Variants in PLA2G4F observed in about 807,000 individuals in gnomAD.
The protein encoded by PLA2G4F is cytosolic phospholipase A2 zeta.
In PLA2G4F, 105 loss-of-function variants were observed where a neutral mutation model predicts 103.1. That is an observed-to-expected ratio of 1.02 (90% CI 0.87 to 1.20). The LOEUF is 1.20. PLA2G4F is among the 50% of genes most tolerant of loss of function. The pLI, the probability that PLA2G4F is intolerant of heterozygous loss-of-function variation, is 0.00. For synonymous variants in PLA2G4F, 468 were observed against 441.1 expected, an observed-to-expected ratio of 1.06 and a Z score of -0.76; for missense variants, 1,155 against 1,075.9, an observed-to-expected ratio of 1.07 and a Z score of -1.03.
chr15:42,153,758 G>A (rs1187645098), intron 4 of PLA2G4F, 98 bp from the exon 5 acceptor site: 2 of 1,336,738 alleles, frequency 1.5e-6, no homozygotes, highest in Non-Finnish European at 2.1e-6. Context: ...GGGGCTAGAA[G>A]GGGAGACTGG....
intron 6 of PLA2G4F, 56 bp downstream of exon 6, chr15:42,153,244 G>C: frequency 6.4e-7 from 1 of 1,553,944 alleles, no homozygotes; most frequent in Non-Finnish European, 8.8e-7. Context: ...GCCCTGTCAC[G>C]GGTTCCTCAC....
rs533682355 is a variant in PLA2G4F at position 42,148,036 on chromosome 15, G to A, written c.1060-274C>T. Among the ~76,000 whole-genome samples the A allele has an allele frequency of 4.6e-5, 7 of 152,228 alleles. No homozygotes were observed. The South Asian group carries it at 6.2e-4, about 14-fold the overall frequency. ...TACTAAAACTACAAAAAAATTAGCC[G>A]GGCATGGTGGTGGGCGCCTGCCTGT... On this transcript the variant is annotated intron_variant, in intron 11 of 19. Coordinates refer to ENST00000397272, the MANE Select transcript of PLA2G4F (RefSeq NM_213600.4).
intron 8 of PLA2G4F, 21 bp downstream of exon 8, chr15:42,150,587 C>T (rs1315354567): frequency 1.3e-6 from 2 of 1,597,420 alleles, no homozygotes; most frequent in Admixed American, 1.7e-5. Context: ...GATCTACCGA[C>T]CATCCTGGCG....
Position 42,154,116 on chromosome 15 carries a change from T to TTTGTGAGGTTGGCCAC in PLA2G4F, c.410_425dup (p.His143TrpfsTer33). On this transcript the variant is annotated frameshift_variant, in exon 4 of 20. Transcript: ENST00000397272. LOFTEE classifies it high-confidence loss of function. ...CCTGGTGGTTGAGTGGGAAGGTGTG[T>TTTGTGAGGTTGGCCAC]TTGTGAGGTTGGCCACACTTGAGGC... 6.2e-7 allele frequency: 1 copy of TTTGTGAGGTTGGCCAC among 1,614,154 alleles called. No homozygotes were observed. The highest frequency in any genetic ancestry group is 8.5e-7 in the Non-Finnish European group (1 of 1,180,034).
At chr15:42,148,663 G>A in intron 11 of PLA2G4F, 1 of 985,394 alleles carries the variant, frequency 1.0e-6, no homozygotes, top group African/African-American at 1.7e-5. Context: ...AAGCAGCCTA[G>A]ACCTGCCCCC....
chr15:42,151,106 T>C (rs2048957420), intron 7 of PLA2G4F: 1 of 985,048 alleles, frequency 1.0e-6, no homozygotes, highest in Admixed American at 6.1e-5. Flanking sequence ...ATGTTTATCA[T>C]AAGAATGAGC....
At chr15:42,147,816 A>G (rs753491256) in intron 11 of PLA2G4F, 54 bp from the exon 12 acceptor site, 11 of 1,603,200 alleles carry the variant, frequency 6.9e-6, no homozygotes, top group Non-Finnish European at 9.4e-6. Context: ...TCATTGACGT[A>G]TTACTGCCTA....
Position 42,142,587 on chromosome 15 carries a change from G to C in PLA2G4F, c.2270C>G (p.Ser757Cys). ...CAGGGGGAAGTGCAGCACAATGGGG[G>C]AGCGGGGGTCCTCAGCCTTGGCAAA... ...YLFAKAEDPR[S>C]PIVLHFPLVN... Residue 757 changes from serine to cysteine, a missense_variant, in exon 19 of 20, where the codon TCC (serine) becomes TGC (cysteine). Physicochemically the swap from Ser to Cys is moderately radical, Grantham distance 112 (BLOSUM62 -1). Around this residue, in one of 3 missense-constraint regions of PLA2G4F, gnomAD observed 782 missense variants for 692.9 expected, o/e 1.13. Coordinates refer to ENST00000397272, the MANE Select transcript of PLA2G4F (RefSeq NM_213600.4). The C allele has an allele frequency of 6.2e-7, 1 of 1,614,110 alleles. No individual in the cohort carries two copies. The highest frequency in any genetic ancestry group is 1.1e-5 in the South Asian group (1 of 91,074).
chr15:42,149,246 AAGTG>A, intron 11 of PLA2G4F: 1 of 864,128 alleles, frequency 1.2e-6, no homozygotes, highest in Non-Finnish European at 1.4e-6. Context: ...AATAAAGGTG[AAGTG>A]AGTAAGGGTA....
At chr15:42,153,171 C>T in intron 6 of PLA2G4F, 129 bp downstream of exon 6, 1 of 1,128,080 alleles carries the variant, frequency 8.9e-7, no homozygotes. Context: ...GGAGGTGCCT[C>T]CCTAGCACAT....
In PLA2G4F at chr15:42,155,525, G is replaced by A. The variant is rs201660105; in HGVS notation, c.176C>T (p.Thr59Ile). The A allele has an allele frequency of 1.3e-5, 21 of 1,614,106 alleles. No homozygotes were observed. The East Asian group carries it at 4.2e-4, about 33-fold the overall frequency. ...KVLRATNIRGTDLLSKADCYV... is the reference protein window; with the variant it reads ...KVLRATNIRGIDLLSKADCYV... ...GAGATGGGGTCACTCACGCAGGTCTGTGCCCCGGATGTTTGTGGCCCTCAG... is the reference window on the plus strand; with the variant it reads ...GAGATGGGGTCACTCACGCAGGTCTATGCCCCGGATGTTTGTGGCCCTCAG... Residue 59 changes from threonine to isoleucine, a missense_variant, in exon 2 of 20, where the codon ACA (threonine) becomes ATA (isoleucine). Physicochemically the swap from Thr to Ile is moderately conservative, Grantham distance 89. This residue lies in a region of PLA2G4F where 370 missense variants were observed against 364.9 expected (regional missense o/e 1.01). Transcript: ENST00000397272.
At chr15:42,151,140 C>A in intron 7 of PLA2G4F, 3 of 985,330 alleles carry the variant, frequency 3.0e-6, no homozygotes, top group Non-Finnish European at 3.6e-6. Context: ...TGGTTTCCCG[C>A]TTGCCCCACT....
At chr15:42,143,717 C>T (rs981222930) in intron 18 of PLA2G4F, among the ~76,000 whole-genome samples, 1 of 152,126 alleles carries the variant, frequency 6.6e-6, no homozygotes, top group Non-Finnish European at 1.5e-5. Flanking sequence ...CTAGAAGATT[C>T]CTGGGGACCC....
In PLA2G4F at chr15:42,139,487, C is replaced by T. The variant is rs1030516651; in HGVS notation, c.*2497G>A. 6.6e-6 allele frequency: 1 copy of T among 152,130 alleles called. No individual in the cohort carries two copies. Among genetic ancestry groups the T allele is most frequent in the Non-Finnish European group, 1.5e-5 (1 of 68,072 alleles). 9.4% of individuals were successfully genotyped at this position (152,130 alleles called of 1,614,324 possible). A position where few individuals can be genotyped will look rare whatever the true frequency, so the allele number is the denominator to read the frequency against. On this transcript the variant is annotated 3_prime_UTR_variant, in exon 20 of 20. Coordinates refer to ENST00000397272, the MANE Select transcript of PLA2G4F (RefSeq NM_213600.4). ...CTCTGACAAGTTGATGAATGATGTC[C>T]CTGCTCCTGTGTTTCTACCCAGCTT...
In PLA2G4F at chr15:42,152,271, G is replaced by A. The variant is rs116885045; in HGVS notation, c.601+417C>T. ...CAGGCTGTGACCAGGCTTAACAAGC[G>A]CTTACTCAGTTGGGCTTGCTCTCTT... On this transcript the variant is annotated intron_variant, in intron 7 of 19. Coordinates refer to ENST00000397272, the MANE Select transcript of PLA2G4F (RefSeq NM_213600.4). Among the ~76,000 whole-genome samples, 1,111 of 152,332 alleles carry A rather than the reference G, an allele frequency of 7.3e-3. 5 individuals are homozygous for A. Among genetic ancestry groups the A allele is most frequent in the South Asian group, 0.011 (53 of 4,826 alleles).
rs150638887 is a variant in PLA2G4F at position 42,150,640 on chromosome 15, C to T, written c.739G>A (p.Val247Met). 3,577 of 1,612,880 alleles carry T rather than the reference C, an allele frequency of 2.2e-3. 16 individuals are homozygous for T. The highest frequency in any genetic ancestry group is 2.6e-3 in the Non-Finnish European group (3,116 of 1,179,438). The stretch of plus-strand genomic sequence containing the variant: ...GCTGCCAGCAGCTCCATCAGCTCCA[C>T]GTGTAGCCTGGAGCTCAGCACTGGG... ...VNPVLSSRLH[V>M]ELMELLAAVQ... Residue 247 changes from valine to methionine, a missense_variant, in exon 8 of 20, where the codon GTG becomes ATG. Physicochemically the swap from Val to Met is conservative, Grantham distance 21. Around this residue, in one of 3 missense-constraint regions of PLA2G4F, gnomAD observed 370 missense variants for 364.9 expected, o/e 1.01. Coordinates refer to ENST00000397272, the MANE Select transcript of PLA2G4F (RefSeq NM_213600.4).
At position 42,144,070 on chromosome 15, in the gene PLA2G4F, C is replaced by G. The variant is rs762091206; in HGVS notation, c.2050G>C (p.Ala684Pro). ...GCCAGTGGGAACGGAGAGTTGATGG[C>G]AAAGCCTCCGTCCACCAGGTACAGG... ...DCLYLVDGGF[A>P]INSPFPLALL... Residue 684 changes from alanine to proline, a missense_variant, in exon 18 of 20, where the codon GCC becomes CCC. Around this residue, in one of 3 missense-constraint regions of PLA2G4F, gnomAD observed 782 missense variants for 692.9 expected, o/e 1.13. Coordinates refer to ENST00000397272, the MANE Select transcript of PLA2G4F (RefSeq NM_213600.4). 3 of 1,613,880 alleles carry G rather than the reference C, an allele frequency of 1.9e-6. No individual in the cohort carries two copies. The East Asian group carries it at 6.7e-5, about 36-fold the overall frequency.
At position 42,147,628 on chromosome 15, in the gene PLA2G4F, G is replaced by T. The variant is rs771318726; in HGVS notation, c.1194C>A (p.Thr398=). 7 of 1,613,814 alleles carry T rather than the reference G, an allele frequency of 4.3e-6. No homozygotes were observed. The highest frequency in any genetic ancestry group is 2.7e-5 in the African/African-American group (2 of 74,866). ...VTYLSGVSGS[T]WCISTLYRDP... is the part of the protein sequence containing the mutation. ...TGCCCTGCCCCCACCTCACTTACCA[G>T]GTAGACCCAGAGACCCCACTCAGGT... The change falls in exon 12 of 20, where the codon ACC becomes ACA. Residue 398 remains threonine, a splice_region_variant and synonymous_variant. Coordinates refer to ENST00000397272, the MANE Select transcript of PLA2G4F (RefSeq NM_213600.4).
In PLA2G4F at chr15:42,147,333, G is replaced by C; in HGVS notation, c.1210C>G (p.Leu404Val). ...TGGGACCAGGCTGGGTCCCTGTAGA[G>C]TGTGGAGATGCACCTGGGGATTGGA... ...VSGSTWCIST[L>V]YRDPAWSQVA... Residue 404 changes from leucine (L) to valine (V), a missense_variant, in exon 13 of 20, where the codon CTC becomes GTC. Physicochemically the swap from Leu to Val is conservative, Grantham distance 32. Transcript: ENST00000397272. 2 of 1,607,224 alleles carry C rather than the reference G, an allele frequency of 1.2e-6. No individual in the cohort carries two copies. The highest frequency in any genetic ancestry group is 2.2e-5 in the South Asian group (2 of 90,988).
Sources: allele counts gnomAD v4.1 joint callset (sites outside exome capture counted in the v4.1 genomes callset), GRCh38; gene constraint gnomAD v4.1.1; regional missense constraint gnomAD v4.1.1; transcripts MANE v1.5; gene names NCBI Gene and HGNC (gene_info 2026-07-23, HGNC 2026-07-21).